Variants in RAB3C observed in about 807,000 individuals in gnomAD.
The protein encoded by RAB3C is ras-related protein Rab-3C.
RAB3C carries 17 observed loss-of-function variants against 26.4 expected under a neutral mutation model. That is an observed-to-expected ratio of 0.64 (90% CI 0.44 to 0.97). The LOEUF (loss-of-function observed/expected upper bound fraction) is 0.97. Among genes scored for constraint, RAB3C ranks in the 50% least tolerant of loss-of-function variants. The pLI is 0.00. For synonymous variants in RAB3C, 91 were observed against 95.9 expected (o/e 0.95, Z 0.30); for missense variants, 242 against 281.9 (o/e 0.86, Z 1.01).
At chr5:58,801,310 T>A (rs774997616) in intron 3 of RAB3C, among the ~76,000 whole-genome samples, 1 of 152,128 alleles carries the variant, frequency 6.6e-6, no homozygotes, top group Non-Finnish European at 1.5e-5. Context: ...AACGATGGGA[T>A]GAGGAAATGA....
At chr5:58,768,054 A>G (rs112935770) in intron 3 of RAB3C, among the ~76,000 whole-genome samples, 5 of 152,294 alleles carry the variant, frequency 3.3e-5, no homozygotes, top group African/African-American at 1.2e-4. Context: ...AGGCTAGGCC[A>G]TATGTAGTGA....
At chr5:58,594,487 G>T (rs960998114) in intron 1 of RAB3C, among the ~76,000 whole-genome samples, 2 of 152,148 alleles carry the variant, frequency 1.3e-5, no homozygotes, top group Non-Finnish European at 2.9e-5. Flanking sequence ...ATGGAAAGCA[G>T]GGATGATTAT....
chr5:58,701,442 G>A (rs1748840571), intron 2 of RAB3C, among the ~76,000 whole-genome samples: 1 of 152,026 alleles, frequency 6.6e-6, no homozygotes, highest in South Asian at 2.1e-4. Flanking sequence ...TCTCTCCCAG[G>A]ATATTGCAAT....
rs1203199372 is a variant in RAB3C, at chr5:58,858,883, G to A, written c.*7532G>A. On this transcript the variant is annotated 3_prime_UTR_variant, in exon 5 of 5. Coordinates refer to ENST00000282878, the MANE Select transcript of RAB3C (RefSeq NM_138453.4). ...GCAAATTGCTTTAATGCCATATTAC[G>A]GCAGTTGATTTAGACATTTGCCAGT... The A allele has an allele frequency of 2.6e-5, 4 of 152,150 alleles. No homozygotes were observed. The highest frequency in any genetic ancestry group is 2.9e-5 in the Non-Finnish European group (2 of 68,038). The allele number at this position is 152,150 out of a possible 1,614,324, so 9.4% of individuals were successfully genotyped here. A position where few individuals can be genotyped will look rare whatever the true frequency, so the allele number is the denominator to read the frequency against.
At chr5:58,685,302 G>C (rs1445200705) in intron 2 of RAB3C, among the ~76,000 whole-genome samples, 1 of 152,106 alleles carries the variant, frequency 6.6e-6, no homozygotes, top group Non-Finnish European at 1.5e-5. Context: ...CATTCGTTCT[G>C]GAGGTTCCAG....
At chr5:58,720,569 G>C (rs187604362) in intron 2 of RAB3C, among the ~76,000 whole-genome samples, 1 of 151,734 alleles carries the variant, frequency 6.6e-6, no homozygotes, top group Non-Finnish European at 1.5e-5. Context: ...AAACTCATTA[G>C]GTTTTTTGTC....
intron 3 of RAB3C, among the ~76,000 whole-genome samples, chr5:58,747,659 T>A (rs1350411364): frequency 1.3e-5 from 2 of 151,982 alleles, no homozygotes; most frequent in South Asian, 2.1e-4. Context: ...ATGGATTCAT[T>A]GCTATCTATA....
intron 4 of RAB3C, among the ~76,000 whole-genome samples, chr5:58,844,390 G>T (rs1470183576): frequency 6.6e-6 from 1 of 152,186 alleles, no homozygotes; most frequent in Non-Finnish European, 1.5e-5. Flanking sequence ...ACTAGCCTTT[G>T]GTTGAGCTCC....
intron 3 of RAB3C, among the ~76,000 whole-genome samples, chr5:58,812,071 A>G (rs1048404894): frequency 1.4e-4 from 22 of 152,202 alleles, no homozygotes; most frequent in African/African-American, 5.3e-4. Context: ...AGGGAGTCAT[A>G]AAGAAAATGC....
intron 1 of RAB3C, among the ~76,000 whole-genome samples, chr5:58,607,744 G>A (rs1746604098): frequency 1.3e-5 from 2 of 152,216 alleles, no homozygotes; most frequent in Admixed American, 1.3e-4. Context: ...TGAGAAGAGA[G>A]TGGGGGCCAA....
intron 2 of RAB3C, chr5:58,647,820 C>A (rs1747557712): frequency 6.6e-6 from 1 of 152,126 alleles, no homozygotes; most frequent in African/African-American, 2.4e-5. Context: ...ATTAACTAAC[C>A]AGGTCTCCAT....
At chr5:58,624,504 C>A (rs1747011967) in intron 2 of RAB3C, among the ~76,000 whole-genome samples, 1 of 152,184 alleles carries the variant, frequency 6.6e-6, no homozygotes, top group African/African-American at 2.4e-5. Context: ...TACACAATGT[C>A]TTTCTTATGA....
intron 2 of RAB3C, among the ~76,000 whole-genome samples, chr5:58,694,023 G>T (rs1354075755): frequency 1.3e-5 from 2 of 152,070 alleles, no homozygotes; most frequent in African/African-American, 4.8e-5. Context: ...ATGGTGGTTT[G>T]CAGCACCCAT....
chr5:58,594,289 T>C (rs183289400), intron 1 of RAB3C, among the ~76,000 whole-genome samples: 1 of 152,342 alleles, frequency 6.6e-6, no homozygotes, highest in East Asian at 1.9e-4. Flanking sequence ...CTCTCACCTA[T>C]TGGTGTTAGC....
At chr5:58,834,659 G>A (rs1330505246) in intron 4 of RAB3C, among the ~76,000 whole-genome samples, 18 of 152,224 alleles carry the variant, frequency 1.2e-4, no homozygotes, top group Non-Finnish European at 1.5e-5. Flanking sequence ...ACACACCTCT[G>A]AGGAGAAGCA....
rs898877112 is a variant in RAB3C at position 58,597,667 on chromosome 5, T to C, written c.24+14435T>C. Among the ~76,000 whole-genome samples the C allele has an allele frequency of 1.4e-3, 190 of 135,616 alleles. 1 individual carries two copies. The highest frequency in any genetic ancestry group is 0.014 in the East Asian group (65 of 4,768). The allele number at this position is 135,616 out of a possible 152,430, so 89.0% of individuals were successfully genotyped here. On this transcript the variant is annotated intron_variant, in intron 1 of 4. Transcript: ENST00000282878. ...CAATATATAGTACATTATATATAAG[T>C]ATATAATATAATATAGTACATTATA...
intron 2 of RAB3C, among the ~76,000 whole-genome samples, chr5:58,654,208 T>A (rs1747715347): frequency 6.6e-6 from 1 of 152,160 alleles, no homozygotes. Context: ...TGGACTATAA[T>A]ATATCATGTA....
At chr5:58,679,457 T>C (rs571846562) in intron 2 of RAB3C, among the ~76,000 whole-genome samples, 1 of 152,332 alleles carries the variant, frequency 6.6e-6, no homozygotes, top group African/African-American at 2.4e-5. Flanking sequence ...CTCAATTTTT[T>C]TGAGGTAGAC....
intron 2 of RAB3C, among the ~76,000 whole-genome samples, chr5:58,699,887 G>A (rs1440831423): frequency 2.6e-5 from 4 of 152,324 alleles, no homozygotes; most frequent in African/African-American, 9.6e-5. Context: ...CCCTTGGCTA[G>A]GAAAGGGAAA....
Sources: allele counts gnomAD v4.1 joint callset (sites outside exome capture counted in the v4.1 genomes callset), GRCh38; gene constraint gnomAD v4.1.1; transcripts MANE v1.5; gene names NCBI Gene and HGNC (gene_info 2026-07-23, HGNC 2026-07-21).